The following CCNY variants were observed in gnomAD, a reference collection of about 807,000 sequenced individuals.
CCNY encodes the protein cyclin Y.
CCNY carries 19 observed loss-of-function variants against 42.8 expected under a neutral mutation model. The ratio of observed to expected loss-of-function variants is 0.44; its 90% CI spans 0.31 to 0.65. The LOEUF (loss-of-function observed/expected upper bound fraction) is 0.65. CCNY is among the 30% of genes least tolerant of loss of function. The pLI is 0.07. For missense variants in CCNY, 370 were observed against 437.3 expected, an observed-to-expected ratio of 0.85 and a Z score of 1.37; for synonymous variants, 165 against 162.7, an observed-to-expected ratio of 1.01 and a Z score of -0.11.
chr10:35,291,055 G>T (rs1835407738), intron 3 of CCNY, among the ~76,000 whole-genome samples: 1 of 151,806 alleles, frequency 6.6e-6, no homozygotes, highest in African/African-American at 2.4e-5. Flanking sequence ...GCCCAGGCTG[G>T]AGTGCAATGG....
intron 1 of CCNY, among the ~76,000 whole-genome samples, chr10:35,460,834 T>G (rs1839142498): frequency 6.6e-6 from 1 of 152,210 alleles, no homozygotes; most frequent in African/African-American, 2.4e-5. Flanking sequence ...TGTTACTCAG[T>G]CATTTATAGA....
chr10:35,307,816 ATAT>A (rs1356590817), intron 3 of CCNY, among the ~76,000 whole-genome samples: 2,804 of 68,458 alleles, frequency 0.041, 145 homozygotes, highest in Middle Eastern at 0.1. Context: ...ATATATATAT[ATAT>A]TTTTTTTTTT....
At chr10:35,516,452 G>A (rs530201051) in intron 3 of CCNY, 71 bp from the exon 4 acceptor site, 5 of 986,502 alleles carry the variant, frequency 5.1e-6, no homozygotes, top group East Asian at 2.4e-5. Flanking sequence ...CAAGTTAAGC[G>A]GGGGTGATGT....
Position 35,336,582 on chromosome 10 carries a change from G to T in CCNY, c.-472G>T, listed in dbSNP as rs1836034590. On this transcript the variant is annotated 5_prime_UTR_variant, in exon 1 of 10. Coordinates refer to ENST00000374704, the MANE Select transcript of CCNY (RefSeq NM_145012.6). ...GCCCACGCCCGCTGCCCGCCCGCTC[G>T]TCGGCTAGTCCCGCCGTCCGGCGCG... Among the ~76,000 whole-genome samples, 1 of 148,566 alleles carries T rather than the reference G, an allele frequency of 6.7e-6. No individual in the cohort carries two copies. Among genetic ancestry groups the T allele is most frequent in the African/African-American group, 2.4e-5 (1 of 41,046 alleles).
At chr10:35,461,911 T>C (rs894960322) in intron 1 of CCNY, among the ~76,000 whole-genome samples, 1 of 152,192 alleles carries the variant, frequency 6.6e-6, no homozygotes. Context: ...AATAAATCTC[T>C]CTGTGGATTT....
intron 3 of CCNY, among the ~76,000 whole-genome samples, chr10:35,318,000 G>C (rs1424928740): frequency 2.6e-5 from 4 of 152,118 alleles, no homozygotes; most frequent in Non-Finnish European, 5.9e-5. Context: ...GGCTGAGGTG[G>C]GAGGACTGCT....
chr10:35,569,114 T>C lies in CCNY; in HGVS notation c.970T>C (p.Ser324Pro). ...KDLRRSARKRSASADNLTLPR... is the reference protein window; with the variant it reads ...KDLRRSARKRPASADNLTLPR... The stretch of plus-strand genomic sequence containing the variant: ...CCTAAGAAGATCCGCGAGGAAGCGC[T>C]CAGCCAGTGCAGACAACCTGACTCT... The change falls in exon 10 of 10, where the codon TCA becomes CCA. Residue 324 changes from serine to proline, a missense_variant. Transcript: ENST00000374704. 6.2e-7 allele frequency: 1 copy of C among 1,613,074 alleles called. No individual in the cohort carries two copies. The highest frequency in any genetic ancestry group is 8.5e-7 in the Non-Finnish European group (1 of 1,179,986).
chr10:35,373,765 A>G (rs1448926869), intron 1 of CCNY, among the ~76,000 whole-genome samples: 2 of 152,238 alleles, frequency 1.3e-5, no homozygotes, highest in Admixed American at 6.5e-5. Context: ...GTATATACAT[A>G]TACAAAATAT....
At chr10:35,377,185 T>C (rs1837071834) in intron 1 of CCNY, among the ~76,000 whole-genome samples, 1 of 152,202 alleles carries the variant, frequency 6.6e-6, no homozygotes, top group South Asian at 2.1e-4. Flanking sequence ...GTAGCCTAAG[T>C]GTACAGTGTT....
rs900898556 is a variant in CCNY at position 35,509,638 on chromosome 10, A to AT, written c.265-6878dup. The stretch of plus-strand genomic sequence containing the variant: ...GAACACTTTGAGGTCAGAGAGGAAG[A>AT]TTTTTTTCTTATTTTGCTTTTTGTC... On this transcript the variant is annotated intron_variant, in intron 3 of 9. Transcript: ENST00000374704. Among the ~76,000 whole-genome samples the AT allele has an allele frequency of 2.0e-4, 30 of 151,996 alleles. No homozygotes were observed. The East Asian group carries it at 3.3e-3, about 17-fold the overall frequency.
chr10:35,419,663 G>T (rs1381970453), intron 1 of CCNY, among the ~76,000 whole-genome samples: 1 of 151,728 alleles, frequency 6.6e-6, no homozygotes, highest in Non-Finnish European at 1.5e-5. Flanking sequence ...CATTTTAGTT[G>T]CATATCAACT....
At chr10:35,520,370 T>C (rs1840522988) in intron 4 of CCNY, among the ~76,000 whole-genome samples, 1 of 152,186 alleles carries the variant, frequency 6.6e-6, no homozygotes, top group Non-Finnish European at 1.5e-5. Flanking sequence ...AGAAAACTCC[T>C]ATTTTCTTTT....
chr10:35,330,910 C>T (rs918485479), intron 3 of CCNY, among the ~76,000 whole-genome samples: 2 of 152,142 alleles, frequency 1.3e-5, no homozygotes, highest in African/African-American at 4.8e-5. Flanking sequence ...GCATGCGGCA[C>T]GGCCATGCCC....
intron 5 of CCNY, among the ~76,000 whole-genome samples, chr10:35,526,639 C>G (rs1306518026): frequency 1.3e-5 from 2 of 151,780 alleles, no homozygotes; most frequent in African/African-American, 2.4e-5. Flanking sequence ...CTTTCATAAG[C>G]CACAGCTATC....
intron 1 of CCNY, among the ~76,000 whole-genome samples, chr10:35,386,818 T>G (rs927996619): frequency 6.6e-6 from 1 of 151,988 alleles, no homozygotes; most frequent in Non-Finnish European, 1.5e-5. Context: ...TTTTTAATAA[T>G]GAAGGTCTTT....
At chr10:35,347,173 T>C (rs1261801773) in intron 1 of CCNY, among the ~76,000 whole-genome samples, 1 of 152,216 alleles carries the variant, frequency 6.6e-6, no homozygotes, top group Admixed American at 6.5e-5. Context: ...TGTCCCGTAC[T>C]GGGGATGTAT....
At chr10:35,415,179 G>A (rs1799084987) in intron 1 of CCNY, among the ~76,000 whole-genome samples, 1 of 152,190 alleles carries the variant, frequency 6.6e-6, no homozygotes, top group African/African-American at 2.4e-5. Context: ...ATGGAGCCTG[G>A]CCCTAAGGGC....
intron 3 of CCNY, among the ~76,000 whole-genome samples, chr10:35,254,856 GA>G (rs1326385177): frequency 7.9e-6 from 1 of 126,154 alleles, no homozygotes; most frequent in Non-Finnish European, 1.7e-5. Flanking sequence ...AAAAAGGAAA[GA>G]AAAAAAGAAA....
intron 1 of CCNY, among the ~76,000 whole-genome samples, chr10:35,468,957 C>T (rs1839327581): frequency 6.6e-6 from 1 of 152,214 alleles, no homozygotes; most frequent in Non-Finnish European, 1.5e-5. Context: ...TCATAGCTCT[C>T]TGAGGGTTCT....
Sources: allele counts gnomAD v4.1 joint callset (sites outside exome capture counted in the v4.1 genomes callset), GRCh38; gene constraint gnomAD v4.1.1; transcripts MANE v1.5; gene names NCBI Gene and HGNC (gene_info 2026-07-23, HGNC 2026-07-21).